Variants in BCL2L1 observed in about 807,000 individuals in gnomAD.
BCL2L1 encodes the protein BCL2 like 1.
BCL2L1 carries 1 observed loss-of-function variant against 18.7 expected under a neutral mutation model. The observed-to-expected ratio is 0.05, with a 90% CI of 0.02 to 0.25. BCL2L1 has a LOEUF of 0.25. Among genes scored for constraint, BCL2L1 ranks in the 10% least tolerant of loss-of-function variants. The pLI, the probability that BCL2L1 is intolerant of heterozygous loss-of-function variation, is 1.00. For missense variants in BCL2L1, 207 were observed against 304.9 expected (o/e 0.68, Z 2.39); for synonymous variants, 103 against 122.7 (o/e 0.84, Z 1.06).
chr20:31,678,950 G>A (rs1047278345), intron 2 of BCL2L1, among the ~76,000 whole-genome samples: 12 of 152,274 alleles, frequency 7.9e-5, no homozygotes, highest in African/African-American at 2.9e-4. Flanking sequence ...CAAAAACTCA[G>A]GGCTGAAGGC....
upstream of BCL2L1, chr20:31,723,903 C>A (rs1044538473): frequency 1.5e-5 from 15 of 985,422 alleles, no homozygotes; most frequent in Non-Finnish European, 1.8e-5. Context: ...AACAAGCCGG[C>A]CTCAGTTTCC....
chr20:31,692,802 G>C (rs2061097693), intron 2 of BCL2L1, among the ~76,000 whole-genome samples: 1 of 152,114 alleles, frequency 6.6e-6, no homozygotes, highest in Non-Finnish European at 1.5e-5. Flanking sequence ...CCATCTACTA[G>C]GGAGTCTGAG....
At chr20:31,675,677 G>GC in intron 2 of BCL2L1, among the ~76,000 whole-genome samples, 1 of 152,248 alleles carries the variant, frequency 6.6e-6, no homozygotes, top group East Asian at 1.9e-4. Flanking sequence ...GAGAGGGGTG[G>GC]CAAGACTGTG....
chr20:31,684,045 C>A (rs972877985), intron 2 of BCL2L1, among the ~76,000 whole-genome samples: 114 of 152,234 alleles, frequency 7.5e-4, no homozygotes, highest in African/African-American at 2.6e-3. Flanking sequence ...CCTGGTCTAA[C>A]ACCTTTACAG....
At chr20:31,677,583 T>C (rs2060784374) in intron 2 of BCL2L1, among the ~76,000 whole-genome samples, 1 of 152,204 alleles carries the variant, frequency 6.6e-6, no homozygotes, top group South Asian at 2.1e-4. Flanking sequence ...TGAGTAAATG[T>C]CTGGTTTATT....
chr20:31,714,676 C>A (rs1206911569), intron 2 of BCL2L1, among the ~76,000 whole-genome samples: 1 of 152,124 alleles, frequency 6.6e-6, no homozygotes, highest in Admixed American at 6.6e-5. Flanking sequence ...TGAACTCAGA[C>A]AAATTTCATT....
chr20:31,721,853 G>A lies in BCL2L1; in HGVS notation c.366C>T (p.Ser122=), dbSNP rs773815952. Residue 122 remains serine (S), a synonymous_variant, in exon 2 of 3, where the codon AGC becomes AGT. Coordinates refer to ENST00000307677, the MANE Select transcript of BCL2L1 (RefSeq NM_138578.3). ...LHITPGTAYQ[S]FEQVVNELFR... is the part of the protein sequence containing the mutation. ...AGAGTTCATTCACTACCTGTTCAAA[G>A]CTCTGATATGCTGTCCCTGGGGTGA... The A allele has an allele frequency of 8.1e-6, 13 of 1,614,122 alleles. No individual in the cohort carries two copies. Among genetic ancestry groups the A allele is most frequent in the Non-Finnish European group, 1.0e-5 (12 of 1,180,060 alleles).
At chr20:31,719,811 T>C (rs1300930431) in intron 2 of BCL2L1, among the ~76,000 whole-genome samples, 1 of 152,206 alleles carries the variant, frequency 6.6e-6, no homozygotes, top group Admixed American at 6.5e-5. Flanking sequence ...CTTTTGTTTA[T>C]AGCTGGCAAC....
chr20:31,687,143 C>A (rs2060971829), intron 2 of BCL2L1, among the ~76,000 whole-genome samples: 1 of 152,062 alleles, frequency 6.6e-6, no homozygotes, highest in Non-Finnish European at 1.5e-5. Context: ...GACAACAAGA[C>A]CTCCATCTCT....
chr20:31,688,255 C>T (rs2060995260), intron 2 of BCL2L1, among the ~76,000 whole-genome samples: 1 of 151,738 alleles, frequency 6.6e-6, no homozygotes, highest in Non-Finnish European at 1.5e-5. Context: ...ACCAGCCTGG[C>T]GAACATAGCA....
chr20:31,667,575 C>T (rs1434547142), intron 2 of BCL2L1, among the ~76,000 whole-genome samples: 1 of 150,836 alleles, frequency 6.6e-6, no homozygotes, highest in East Asian at 1.9e-4. Context: ...CACACTGGGC[C>T]TACATTTCCA....
chr20:31,720,914 C>T, intron 2 of BCL2L1: 10 of 985,438 alleles, frequency 1.0e-5, no homozygotes, highest in Non-Finnish European at 1.2e-5. Context: ...GCTCCCCAAC[C>T]GACCCCAGGC....
intron 2 of BCL2L1, among the ~76,000 whole-genome samples, chr20:31,674,082 C>A (rs1230863268): frequency 6.6e-6 from 1 of 152,180 alleles, no homozygotes; most frequent in Non-Finnish European, 1.5e-5. Context: ...GTTCTGGCCT[C>A]ACACCATTCT....
intron 2 of BCL2L1, among the ~76,000 whole-genome samples, chr20:31,704,093 C>T (rs551376999): frequency 1.4e-5 from 2 of 147,878 alleles, no homozygotes; most frequent in East Asian, 2.0e-4. Flanking sequence ...CCACTGCACC[C>T]GGCCCTAAAC....
intron 2 of BCL2L1, among the ~76,000 whole-genome samples, chr20:31,677,884 C>T (rs2060789077): frequency 6.6e-6 from 1 of 152,190 alleles, no homozygotes; most frequent in Non-Finnish European, 1.5e-5. Context: ...GTGCTGGGTC[C>T]AGAGAAGGTG....
chr20:31,692,190 C>G (rs1474807920), intron 2 of BCL2L1, among the ~76,000 whole-genome samples: 3 of 152,224 alleles, frequency 2.0e-5, no homozygotes, highest in African/African-American at 7.2e-5. Context: ...CCAGGTGATT[C>G]TGATGGGCAG....
chr20:31,689,796 A>G (rs1435246979), intron 2 of BCL2L1, among the ~76,000 whole-genome samples: 3 of 152,198 alleles, frequency 2.0e-5, no homozygotes, highest in African/African-American at 7.2e-5. Context: ...CGGGCGGATC[A>G]CTTGAGGTTG....
At chr20:31,706,566 A>C (rs2061371591) in intron 2 of BCL2L1, among the ~76,000 whole-genome samples, 1 of 152,268 alleles carries the variant, frequency 6.6e-6, no homozygotes, top group African/African-American at 2.4e-5. Flanking sequence ...CAGTAAGCTC[A>C]GAGCACCTCG....
intron 2 of BCL2L1, among the ~76,000 whole-genome samples, chr20:31,669,950 A>T (rs1365803806): frequency 1.3e-5 from 2 of 152,236 alleles, no homozygotes; most frequent in Non-Finnish European, 2.9e-5. Context: ...AAGATGCCTG[A>T]TATTTAAAGC....
Sources: gnomAD v4.1 joint callset for allele counts (sites outside exome capture counted in the v4.1 genomes callset) on GRCh38, gnomAD v4.1.1 for gene constraint, MANE v1.5 for transcripts, NCBI Gene and HGNC (gene_info 2026-07-23, HGNC 2026-07-21) for gene names.